The following SSTR3 variants were observed in gnomAD, a reference collection of about 807,000 sequenced individuals.
SSTR3 encodes the protein somatostatin receptor 3.
For synonymous variants in SSTR3, 281 were observed against 269.2 expected (o/e 1.04, Z -0.43); for missense variants, 504 against 604.7 (o/e 0.83, Z 1.75).
At chr22:37,215,577 C>G (rs567765079), upstream of SSTR3, among the ~76,000 whole-genome samples, 54 of 152,228 alleles carry the variant, frequency 3.5e-4, no homozygotes, top group South Asian at 8.3e-4. Flanking sequence ...TATTACTGAA[C>G]CCAGCCTACT....
chr22:37,207,235 G>T lies in SSTR3; in HGVS notation c.569C>A (p.Thr190Asn), dbSNP rs1415533488. ...CGGCTCGGGCCACTGCATGTGGCAG[G>T]TGCTCATGCCGCGGGGCACTCCCGA... ...VFSGVPRGMS[T>N]CHMQWPEPAA... is the part of the protein sequence containing the mutation. The change falls in exon 2 of 2, where the codon ACC (threonine) becomes AAC (asparagine). Residue 190 changes from threonine (T) to asparagine (N), a missense_variant. Physicochemically the swap from Thr to Asn is moderately conservative, Grantham distance 65. Coordinates refer to ENST00000610913, the MANE Select transcript of SSTR3 (RefSeq NM_001051.5). 1 of 1,608,004 alleles carries T rather than the reference G, an allele frequency of 6.2e-7. No homozygotes were observed. The highest frequency in any genetic ancestry group is 8.5e-7 in the Non-Finnish European group (1 of 1,177,410).
At chr22:37,217,470 G>T (rs1268541848), upstream of SSTR3, among the ~76,000 whole-genome samples, 3 of 151,988 alleles carry the variant, frequency 2.0e-5, no homozygotes, top group Non-Finnish European at 4.4e-5. Context: ...CTTCAGTTCT[G>T]AGACACATTT....
Position 37,207,775 on chromosome 22 carries a change from G to T in SSTR3, c.29C>A (p.Ser10Tyr). The part of the protein sequence containing the change: MDMLHPSSV[S>Y]TTSEPENASS... ...GGCATTCTCAGGTTCTGAGGTCGTG[G>T]ACACCGATGATGGATGAAGCATGTC... is the stretch of plus-strand genomic sequence containing the variant. Residue 10 changes from serine (S) to tyrosine (Y), a missense_variant, in exon 2 of 2, where the codon TCC (serine) becomes TAC (tyrosine). By Grantham distance (144) the Ser-to-Tyr change is moderately radical. Transcript: ENST00000610913. The T allele has an allele frequency of 6.6e-7, 1 of 1,513,750 alleles. No individual in the cohort carries two copies. The highest frequency in any genetic ancestry group is 8.8e-7 in the Non-Finnish European group (1 of 1,130,636). 93.8% of individuals were successfully genotyped at this position (1,513,750 alleles called of 1,614,324 possible).
At position 37,206,559 on chromosome 22, in the gene SSTR3, G is replaced by C; in HGVS notation, c.1245C>G (p.Ile415Met). Residue 415 changes from isoleucine to methionine, a missense_variant, in exon 2 of 2, where the codon ATC becomes ATG. By Grantham distance (10) the Ile-to-Met change is conservative. Transcript: ENST00000610913. ...TTTCCCCAGGCCCCTACAGGTAGCTGATGCGCATCGTGCTGGACTTCTCCC... is the reference window on the plus strand; with the variant it reads ...TTTCCCCAGGCCCCTACAGGTAGCTCATGCGCATCGTGCTGGACTTCTCCC... The part of the protein sequence containing the change: ...STGEKSSTMR[I>M]SYL 1 of 1,606,318 alleles carries C rather than the reference G, an allele frequency of 6.2e-7. No homozygotes were observed. The highest frequency in any genetic ancestry group is 1.1e-5 in the South Asian group (1 of 90,744).
upstream of SSTR3, among the ~76,000 whole-genome samples, chr22:37,213,353 C>T (rs577118822): frequency 5.3e-5 from 8 of 152,276 alleles, no homozygotes; most frequent in East Asian, 3.9e-4. Context: ...CAGTCAGAGA[C>T]GGAAGGGAAA....
Position 37,207,639 on chromosome 22 carries a change from G to A in SSTR3, c.165C>T (p.Cys55=), listed in dbSNP as rs142559355. 2.4e-5 allele frequency: 39 copies of A among 1,599,676 alleles called. No homozygotes were observed. The highest frequency in any genetic ancestry group is 4.5e-5 in the East Asian group (2 of 44,656). The stretch of plus-strand genomic sequence containing the variant: ...GCGAGTTACCCAGCAGGCCCACCAC[G>A]CACACCACCAGGTAGACCAGGGGGA... The part of the protein sequence containing the change: ...VLIPLVYLVV[C]VVGLLGNSLV... Residue 55 remains cysteine (C), a synonymous_variant, in exon 2 of 2, where the codon TGC becomes TGT. Transcript: ENST00000610913.
chr22:37,207,381 G>A lies in SSTR3; in HGVS notation c.423C>T (p.Arg141=). The change falls in exon 2 of 2, where the codon CGC becomes CGT. Residue 141 remains arginine, a synonymous_variant. Transcript: ENST00000610913. ...GGGTGGGATGTACCACGGCCAGGTA[G>A]CGGTCCACGCTCATGACAGTCAGGC... ...IFCLTVMSVD[R]YLAVVHPTRS... is the part of the protein sequence containing the mutation. The A allele has an allele frequency of 6.2e-7, 1 of 1,612,078 alleles. No homozygotes were observed. The highest frequency in any genetic ancestry group is 8.5e-7 in the Non-Finnish European group (1 of 1,178,962).
rs4988470 is a variant in SSTR3 at position 37,206,736 on chromosome 22, C to T, written c.1068G>A (p.Glu356=). 1.4e-4 allele frequency: 219 copies of T among 1,607,688 alleles called. No individual in the cohort carries two copies. The highest frequency in any genetic ancestry group is 4.7e-5 in the Non-Finnish European group (56 of 1,179,384). ...CCCCCTCCCTGCTCTCCTCCCCATC[C>T]TCCTCCTCCTCATCCTCCTCCTCAG... The part of the protein sequence containing the change: ...EKTEEEDEEE[E]DGEESREGGK... Residue 356 remains glutamate, a synonymous_variant, in exon 2 of 2, where the codon GAG becomes GAA. Transcript: ENST00000610913.
rs760324794 is a variant in SSTR3 at position 37,207,750 on chromosome 22, G to A, written c.54C>T (p.Ala18=). 6.6e-7 allele frequency: 1 copy of A among 1,520,980 alleles called. No homozygotes were observed. The highest frequency in any genetic ancestry group is 8.8e-7 in the Non-Finnish European group (1 of 1,134,164). 94.2% of individuals were successfully genotyped at this position (1,520,980 alleles called of 1,614,324 possible). A position where few individuals can be genotyped will look rare whatever the true frequency, so the allele number is the denominator to read the frequency against. The change falls in exon 2 of 2, where the codon GCC becomes GCT. Residue 18 remains alanine, a synonymous_variant. Transcript: ENST00000610913. ...TGGCATCTGGGGGCCAGGCCGAGGA[G>A]GCATTCTCAGGTTCTGAGGTCGTGG... The part of the protein sequence containing the change: ...SVSTTSEPEN[A]SSAWPPDATL...
intron 1 of SSTR3, 36 bp from the exon 2 acceptor site, chr22:37,207,875 A>C: frequency 7.0e-7 from 1 of 1,435,688 alleles, no homozygotes; most frequent in Non-Finnish European, 9.1e-7. Context: ...CACAGCAGAG[A>C]ATGGCTTTCT....
Position 37,212,129 on chromosome 22 carries a change from G to A in SSTR3, c.-341C>T, listed in dbSNP as rs2145808094. 1.0e-6 allele frequency: 1 copy of A among 985,158 alleles called. No homozygotes were observed. Among genetic ancestry groups the A allele is most frequent in the Non-Finnish European group, 1.2e-6 (1 of 829,884 alleles). 61.0% of individuals were successfully genotyped at this position (985,158 alleles called of 1,614,324 possible). On this transcript the variant is annotated 5_prime_UTR_variant, in exon 1 of 2. Transcript: ENST00000610913. ...AGGATAGGGGGGAGAAGCTTCCCAG[G>A]GTGAGGAAGAGAAGAGGGGAGCAAG...
In SSTR3 at chr22:37,206,875, G is replaced by A; in HGVS notation, c.929C>T (p.Pro310Leu). The A allele has an allele frequency of 6.2e-7, 1 of 1,613,550 alleles. No homozygotes were observed. Residue 310 changes from proline (P) to leucine (L), a missense_variant, in exon 2 of 2, where the codon CCC becomes CTC. Pro to Leu is a moderately conservative substitution (Grantham distance 98, BLOSUM62 -3). Transcript: ENST00000610913. ...GTAGGAGAGGAAGCCATAAAGGATG[G>A]GGTTGGCACAGCTGTTGGCATAGGG... ...ALPYANSCANPILYGFLSYRF... is the reference protein window; with the variant it reads ...ALPYANSCANLILYGFLSYRF...
chr22:37,207,549 G>A lies in SSTR3; in HGVS notation c.255C>T (p.Asn85=), dbSNP rs1477804565. The A allele has an allele frequency of 1.9e-6, 3 of 1,613,608 alleles. No homozygotes were observed. Among genetic ancestry groups the A allele is most frequent in the Non-Finnish European group, 2.5e-6 (3 of 1,179,990 alleles). The change falls in exon 2 of 2, where the codon AAC becomes AAT. Residue 85 remains asparagine, a synonymous_variant. Coordinates refer to ENST00000610913, the MANE Select transcript of SSTR3 (RefSeq NM_001051.5). The part of the protein sequence containing the change: ...SPSVTNVYIL[N]LALADELFML... ...TGAAGAGCTCGTCGGCCAGCGCCAG[G>A]TTGAGGATGTAGACGTTGGTGACTG...
At position 37,206,319 on chromosome 22, in the gene SSTR3, A is replaced by T. The variant is rs1414540506; in HGVS notation, c.*228T>A. ...GCCCTCCAAACCTCTCATCTGACATAGCTCATCCAGGCTGATGACTCCTAT... is the reference window on the plus strand; with the variant it reads ...GCCCTCCAAACCTCTCATCTGACATTGCTCATCCAGGCTGATGACTCCTAT... On this transcript the variant is annotated 3_prime_UTR_variant, in exon 2 of 2. Coordinates refer to ENST00000610913, the MANE Select transcript of SSTR3 (RefSeq NM_001051.5). 1.6e-6 allele frequency: 1 copy of T among 618,676 alleles called. No individual in the cohort carries two copies. Among genetic ancestry groups the T allele is most frequent in the African/African-American group, 1.9e-5 (1 of 53,296 alleles). The allele number at this position is 618,676 out of a possible 1,614,324, so 38.3% of individuals were successfully genotyped here.
At chr22:37,219,411 AATT>A in the SSTR3 span, among the ~76,000 whole-genome samples, 2 of 151,994 alleles carry the variant, frequency 1.3e-5, no homozygotes, top group Non-Finnish European at 1.5e-5. Context: ...AACTGTATTG[AATT>A]TTGGATTCTG....
chr22:37,216,225 G>C (rs5756566), upstream of SSTR3, among the ~76,000 whole-genome samples: 2 of 89,572 alleles, frequency 2.2e-5, no homozygotes, highest in Non-Finnish European at 4.3e-5. Flanking sequence ...AATCCCACCC[G>C]CTCGGCAATT....
upstream of SSTR3, among the ~76,000 whole-genome samples, chr22:37,213,044 T>C (rs1376245186): frequency 6.6e-6 from 1 of 152,236 alleles, no homozygotes; most frequent in African/African-American, 2.4e-5. Context: ...TTTTGTAATG[T>C]AGGTCCACTC....
In SSTR3 at chr22:37,207,090, G is replaced by A; in HGVS notation, c.714C>T (p.Arg238=). ...GCTGGCACGAGGGTGCCCACACCCG[G>A]CGCCCAGCTGAGCGCACCTTCACCA... ...LIVVKVRSAG[R]RVWAPSCQRR... Residue 238 remains arginine, a synonymous_variant, in exon 2 of 2, where the codon CGC becomes CGT. Coordinates refer to ENST00000610913, the MANE Select transcript of SSTR3 (RefSeq NM_001051.5). 6.2e-7 allele frequency: 1 copy of A among 1,612,368 alleles called. No homozygotes were observed. Among genetic ancestry groups the A allele is most frequent in the African/African-American group, 1.3e-5 (1 of 75,042 alleles).
In SSTR3 at chr22:37,206,317, A is replaced by T; in HGVS notation, c.*230T>A. 1.6e-6 allele frequency: 1 copy of T among 618,838 alleles called. No individual in the cohort carries two copies. 38.3% of individuals were successfully genotyped at this position (618,838 alleles called of 1,614,324 possible). A position where few individuals can be genotyped will look rare whatever the true frequency, so the allele number is the denominator to read the frequency against. ...GTGCCCTCCAAACCTCTCATCTGAC[A>T]TAGCTCATCCAGGCTGATGACTCCT... On this transcript the variant is annotated 3_prime_UTR_variant, in exon 2 of 2. Coordinates refer to ENST00000610913, the MANE Select transcript of SSTR3 (RefSeq NM_001051.5).
Sources: gnomAD v4.1 joint callset for allele counts (sites outside exome capture counted in the v4.1 genomes callset) on GRCh38, gnomAD v4.1.1 for gene constraint, MANE v1.5 for transcripts, NCBI Gene and HGNC (gene_info 2026-07-23, HGNC 2026-07-21) for gene names.